OR2T10: variants seen among roughly 807,000 people sequenced by gnomAD.
OR2T10 encodes olfactory receptor family 2 subfamily T member 10.
For synonymous variants in OR2T10, 125 were observed against 141.8 expected, an observed-to-expected ratio of 0.88 and a Z score of 0.84; for missense variants, 335 against 382.5, an observed-to-expected ratio of 0.88 and a Z score of 1.04.
At position 248,593,211 on chromosome 1, in the gene OR2T10, C is replaced by T; in HGVS notation, c.558G>A (p.Lys186=). Residue 186 remains lysine (K), a synonymous_variant, in exon 2 of 2, where the codon AAG becomes AAA. Coordinates refer to ENST00000642090, the MANE Select transcript of OR2T10 (RefSeq NM_001004693.2). The part of the protein sequence containing the change: ...HFFCEVPAVL[K]LSCSDTSLYK... ...AAAGTGAGGTGTCTGAGCAAGAGAGCTTCAAAACAGCAGGGACCTCACAGA... is the reference window on the plus strand; with the variant it reads ...AAAGTGAGGTGTCTGAGCAAGAGAGTTTCAAAACAGCAGGGACCTCACAGA... 1 of 1,573,266 alleles carries T rather than the reference C, an allele frequency of 6.4e-7. No individual in the cohort carries two copies. Among genetic ancestry groups the T allele is most frequent in the Non-Finnish European group, 8.6e-7 (1 of 1,156,790 alleles).
Position 248,595,280 on chromosome 1 carries a change from A to C in OR2T10, c.-28-1484T>G, listed in dbSNP as rs1202826829. On this transcript the variant is annotated intron_variant, in intron 1 of 1. Coordinates refer to ENST00000642090, the MANE Select transcript of OR2T10 (RefSeq NM_001004693.2). ...TAGTTTTAGATATCATTAATGTTCA[A>C]TATATTAATAACGTGTCAAATGTTT... Among the ~76,000 whole-genome samples the C allele has an allele frequency of 3.5e-5, 5 of 143,728 alleles. 1 individual carries two copies. Among genetic ancestry groups the C allele is most frequent in the African/African-American group, 1.1e-4 (4 of 36,514 alleles). The allele number at this position is 143,728 out of a possible 152,430, so 94.3% of individuals were successfully genotyped here.
intron 1 of OR2T10, among the ~76,000 whole-genome samples, chr1:248,597,178 CT>C: frequency 7.0e-6 from 1 of 142,500 alleles, no homozygotes; most frequent in South Asian, 2.2e-4. Flanking sequence ...TTTTGAGTAT[CT>C]TTTTTTTCCA....
At chr1:248,594,624 G>A (rs1323430676) in intron 1 of OR2T10, among the ~76,000 whole-genome samples, 1 of 143,154 alleles carries the variant, frequency 7.0e-6, no homozygotes. Flanking sequence ...TGATGCTTTA[G>A]GAATCAGCAT....
Position 248,593,168 on chromosome 1 carries a change from A to G in OR2T10, c.601T>C (p.Leu201=), listed in dbSNP as rs775110216. ...DTSLYKIFMY[L]CCVIMLLIPV... is the part of the protein sequence containing the mutation. ...ATCAGGAGCATGATGACACAGCACAAGTACATGAAAATCTTGTAAAGTGAG... is the reference window on the plus strand; with the variant it reads ...ATCAGGAGCATGATGACACAGCACAGGTACATGAAAATCTTGTAAAGTGAG... Residue 201 remains leucine, a synonymous_variant, in exon 2 of 2, where the codon TTG becomes CTG. Coordinates refer to ENST00000642090, the MANE Select transcript of OR2T10 (RefSeq NM_001004693.2). The G allele has an allele frequency of 6.4e-7, 1 of 1,572,560 alleles. No homozygotes were observed. Among genetic ancestry groups the G allele is most frequent in the Admixed American group, 1.7e-5 (1 of 58,388 alleles).
Position 248,593,631 on chromosome 1 carries a change from T to C in OR2T10, c.138A>G (p.Ile46Met), listed in dbSNP as rs767497208. Reference sequence around the variant, plus strand: ...GAGAGGAGTCAATGTGGATCAGAAGTATCAATGTAATATTCCAAGACACAG... The same window carrying C: ...GAGAGGAGTCAATGTGGATCAGAAGCATCAATGTAATATTCCAAGACACAG... ...LMAVSWNITL[I>M]LLIHIDSSLH... The change falls in exon 2 of 2, where the codon ATA becomes ATG. Residue 46 changes from isoleucine (I) to methionine (M), a missense_variant. Physicochemically the swap from Ile to Met is conservative, Grantham distance 10 (BLOSUM62 1). Coordinates refer to ENST00000642090, the MANE Select transcript of OR2T10 (RefSeq NM_001004693.2). 6.4e-7 allele frequency: 1 copy of C among 1,562,052 alleles called. No homozygotes were observed. The highest frequency in any genetic ancestry group is 1.5e-5 in the African/African-American group (1 of 64,620).
chr1:248,593,730 GAA>G lies in OR2T10; in HGVS notation c.37_38del (p.Phe13ProfsTer39). 4 of 1,565,950 alleles carry G rather than the reference GAA, an allele frequency of 2.6e-6. 1 individual carries two copies. The highest frequency in any genetic ancestry group is 3.5e-6 in the Non-Finnish European group (4 of 1,152,878). ...LANQTLGGDF[F>X]LLGIFSQISH... is the part of the protein sequence containing the mutation. Reference sequence around the variant, plus strand: ...AGATCTGGCTGAAGATTCCCAACAGGAAAAAGTCACCACCCAGGGTCTGGTTG... The same window carrying G: ...AGATCTGGCTGAAGATTCCCAACAGGAAAGTCACCACCCAGGGTCTGGTTG... On this transcript the variant is annotated frameshift_variant, in exon 2 of 2. Coordinates refer to ENST00000642090, the MANE Select transcript of OR2T10 (RefSeq NM_001004693.2). LOFTEE classifies it low-confidence loss of function (END_TRUNC).
Position 248,593,682 on chromosome 1 carries a change from C to T in OR2T10, c.87G>A (p.Leu29=), listed in dbSNP as rs745309260. Residue 29 remains leucine, a synonymous_variant, in exon 2 of 2, where the codon TTG becomes TTA. Coordinates refer to ENST00000642090, the MANE Select transcript of OR2T10 (RefSeq NM_001004693.2). The stretch of plus-strand genomic sequence containing the variant: ...CCATCAAAAATATACTGAAGATAAG[C>T]AAGCAGAGGCGGCCAGGGTGTGAGA... The part of the protein sequence containing the change: ...SQISHPGRLC[L]LIFSIFLMAV... 1.9e-6 allele frequency: 3 copies of T among 1,561,382 alleles called. No individual in the cohort carries two copies. Among genetic ancestry groups the T allele is most frequent in the African/African-American group, 1.5e-5 (1 of 64,618 alleles).
In OR2T10 at chr1:248,592,950, C is replaced by A. The variant is rs776827701; in HGVS notation, c.819G>T (p.Met273Ile). Residue 273 changes from methionine to isoleucine, a missense_variant, in exon 2 of 2, where the codon ATG (methionine) becomes ATT (isoleucine). By Grantham distance (10) the Met-to-Ile change is conservative. Coordinates refer to ENST00000642090, the MANE Select transcript of OR2T10 (RefSeq NM_001004693.2). ...SSYQTPEKDM[M>I]SSFFYTILTP... ...TAAGGATAGTGTAGAAAAAGGATGA[C>A]ATCATATCTTTCTCAGGAGTTTGGT... 8 of 1,566,712 alleles carry A rather than the reference C, an allele frequency of 5.1e-6. 1 individual carries two copies. Among genetic ancestry groups the A allele is most frequent in the Non-Finnish European group, 7.0e-6 (8 of 1,151,012 alleles).
At position 248,597,156 on chromosome 1, in the gene OR2T10, G is replaced by A. The variant is rs529622913; in HGVS notation, c.-29+336C>T. On this transcript the variant is annotated intron_variant, in intron 1 of 1. Transcript: ENST00000642090. Reference sequence around the variant, plus strand: ...TCTTCTTTTCCGAGGTACGTTGCAAGTCACCTAAAACTTTTGAGTATCTTT... The same window carrying A: ...TCTTCTTTTCCGAGGTACGTTGCAAATCACCTAAAACTTTTGAGTATCTTT... Among the ~76,000 whole-genome samples the A allele has an allele frequency of 3.5e-5, 5 of 143,182 alleles. No individual in the cohort carries two copies. The South Asian group carries it at 8.7e-4, about 25-fold the overall frequency. The allele number at this position is 143,182 out of a possible 152,430, so 93.9% of individuals were successfully genotyped here.
In OR2T10 at chr1:248,592,540, GT is replaced by G. The variant is rs1660026055; in HGVS notation, c.*289del. 4.0e-6 allele frequency: 1 copy of G among 248,278 alleles called. No individual in the cohort carries two copies. Among genetic ancestry groups the G allele is most frequent in the Non-Finnish European group, 7.6e-6 (1 of 132,408 alleles). 15.4% of individuals were successfully genotyped at this position (248,278 alleles called of 1,614,324 possible). Reference sequence around the variant, plus strand: ...AAACAAATTTTCTCTGTGGTGGAAGGTGCTCAAGGGTCATAAACACATTTAT... The same window carrying G: ...AAACAAATTTTCTCTGTGGTGGAAGGGCTCAAGGGTCATAAACACATTTAT... On this transcript the variant is annotated 3_prime_UTR_variant, in exon 2 of 2. Transcript: ENST00000642090.
chr1:248,593,638 G>A lies in OR2T10; in HGVS notation c.131C>T (p.Thr44Ile). ...IFLMAVSWNI[T>I]LILLIHIDSS... is the part of the protein sequence containing the mutation. Reference sequence around the variant, plus strand: ...GTCAATGTGGATCAGAAGTATCAATGTAATATTCCAAGACACAGCCATCAA... The same window carrying A: ...GTCAATGTGGATCAGAAGTATCAATATAATATTCCAAGACACAGCCATCAA... The change falls in exon 2 of 2, where the codon ACA becomes ATA. Residue 44 changes from threonine to isoleucine, a missense_variant. By Grantham distance (89) the Thr-to-Ile change is moderately conservative (BLOSUM62 -1). Coordinates refer to ENST00000642090, the MANE Select transcript of OR2T10 (RefSeq NM_001004693.2). 6.4e-7 allele frequency: 1 copy of A among 1,561,376 alleles called. No homozygotes were observed. The highest frequency in any genetic ancestry group is 8.7e-7 in the Non-Finnish European group (1 of 1,148,934).
In OR2T10 at chr1:248,595,094, CTCT is replaced by C. The variant is rs1366770329; in HGVS notation, c.-28-1301_-28-1299del. 1.4e-5 allele frequency: 2 copies of C among 143,178 alleles called. 1 individual carries two copies. The highest frequency in any genetic ancestry group is 5.5e-5 in the African/African-American group (2 of 36,168). 8.9% of individuals were successfully genotyped at this position (143,178 alleles called of 1,614,324 possible). On this transcript the variant is annotated intron_variant, in intron 1 of 1. Transcript: ENST00000642090. ...AATCACCTTGTAATAGGCTGTAGGA[CTCT>C]TCTTCTACCTGGCTATTTTGGGGGG...
intron 1 of OR2T10, among the ~76,000 whole-genome samples, chr1:248,596,430 A>G (rs1018742378): frequency 2.1e-5 from 3 of 142,880 alleles, no homozygotes; most frequent in Admixed American, 6.8e-5. Context: ...CAGGGTGAGC[A>G]TATCTCAGGT....
intron 1 of OR2T10, 91 bp downstream of exon 1, chr1:248,597,401 T>A (rs1224580006): frequency 4.2e-5 from 6 of 143,142 alleles, no homozygotes; most frequent in African/African-American, 1.6e-4. Context: ...ATATATTAAC[T>A]GTTACATTGG....
rs1277811390 is a variant in OR2T10 at position 248,592,545 on chromosome 1, C to T, written c.*285G>A. The T allele has an allele frequency of 7.6e-6, 2 of 261,984 alleles. No individual in the cohort carries two copies. The highest frequency in any genetic ancestry group is 1.4e-5 in the Non-Finnish European group (2 of 141,100). 16.2% of individuals were successfully genotyped at this position (261,984 alleles called of 1,614,324 possible). The stretch of plus-strand genomic sequence containing the variant: ...AATTTTCTCTGTGGTGGAAGGTGCT[C>T]AAGGGTCATAAACACATTTATTTTC... On this transcript the variant is annotated 3_prime_UTR_variant, in exon 2 of 2. Transcript: ENST00000642090.
chr1:248,593,073 C>G lies in OR2T10; in HGVS notation c.696G>C (p.Glu232Asp). The change falls in exon 2 of 2, where the codon GAG becomes GAC. Residue 232 changes from glutamate (E) to aspartate (D), a missense_variant. Transcript: ENST00000642090. ...AGGTGGTGAAGGCCTTTTTCCGACC[C>G]TCAACTGAGTTCATCTTATGGATGG... ...ILTIHKMNSV[E>D]GRKKAFTTCS... is the part of the protein sequence containing the mutation. The G allele has an allele frequency of 6.4e-7, 1 of 1,571,828 alleles. No homozygotes were observed. Among genetic ancestry groups the G allele is most frequent in the Non-Finnish European group, 8.7e-7 (1 of 1,156,034 alleles).
At position 248,592,984 on chromosome 1, in the gene OR2T10, G is replaced by A. The variant is rs1344696596; in HGVS notation, c.785C>T (p.Pro262Leu). Reference sequence around the variant, plus strand: ...TTTCTCAGGAGTTTGGTAGGAGCTGGGGAGCATGTAGTTGTAAATAGCAGC... The same window carrying A: ...TTTCTCAGGAGTTTGGTAGGAGCTGAGGAGCATGTAGTTGTAAATAGCAGC... ...YGAAIYNYML[P>L]SSYQTPEKDM... The change falls in exon 2 of 2, where the codon CCC becomes CTC. Residue 262 changes from proline to leucine, a missense_variant. Transcript: ENST00000642090. 2 of 1,572,338 alleles carry A rather than the reference G, an allele frequency of 1.3e-6. No homozygotes were observed. The highest frequency in any genetic ancestry group is 1.7e-5 in the Admixed American group (1 of 58,342).
Position 248,596,328 on chromosome 1 carries a change from G to T in OR2T10, c.-29+1164C>A, listed in dbSNP as rs1660089037. On this transcript the variant is annotated intron_variant, in intron 1 of 1. Coordinates refer to ENST00000642090, the MANE Select transcript of OR2T10 (RefSeq NM_001004693.2). ...TGCCTGTCAGAGCTAATTAACTCTA[G>T]GTCTATGTAAGGAGGCCCCTTCCCA... 1.4e-5 allele frequency among the ~76,000 whole-genome samples: 2 copies of T among 143,080 alleles called. 1 individual carries two copies. Among genetic ancestry groups the T allele is most frequent in the Non-Finnish European group, 3.0e-5 (2 of 66,230 alleles). The allele number at this position is 143,080 out of a possible 152,430, so 93.9% of individuals were successfully genotyped here. A position where few individuals can be genotyped will look rare whatever the true frequency, so the allele number is the denominator to read the frequency against.
chr1:248,595,538 A>G (rs190810830), intron 1 of OR2T10, among the ~76,000 whole-genome samples: 2 of 143,448 alleles, frequency 1.4e-5, no homozygotes, highest in Admixed American at 6.8e-5. Flanking sequence ...CACAGAAAGC[A>G]TAAGAGTAAA....
Sources: gnomAD v4.1 joint callset for allele counts (sites outside exome capture counted in the v4.1 genomes callset) on GRCh38, gnomAD v4.1.1 for gene constraint, MANE v1.5 for transcripts, NCBI Gene and HGNC (gene_info 2026-07-23, HGNC 2026-07-21) for gene names.